Variants in SBK1 observed in about 807,000 individuals in gnomAD.
SBK1 encodes serine/threonine-protein kinase SBK1.
SBK1 carries 11 observed loss-of-function variants against 24.4 expected under a neutral mutation model. That is an observed-to-expected ratio of 0.45 (90% CI 0.28 to 0.75). SBK1 has a LOEUF of 0.75. Among genes scored for constraint, SBK1 ranks in the 30% least tolerant of loss-of-function variants. The probability of loss-of-function intolerance (pLI) is 0.12; values close to 1 mark genes in which losing one functional copy is unlikely to be tolerated. For missense variants in SBK1, 467 were observed against 620.5 expected (o/e 0.75, Z 2.63); for synonymous variants, 308 against 284.4 (o/e 1.08, Z -0.83).
chr16:28,284,760 A>G (rs2141570241), intron 1 of SBK1: 1 of 152,314 alleles, frequency 6.6e-6, no homozygotes, highest in Admixed American at 6.5e-5. Context: ...TCACATAGTG[A>G]AAAACTTCTT....
At chr16:28,281,708 C>T (rs542402990) in intron 1 of SBK1, among the ~76,000 whole-genome samples, 52 of 152,250 alleles carry the variant, frequency 3.4e-4, no homozygotes, top group Non-Finnish European at 3.4e-4. Context: ...GGGGTGGTAG[C>T]GAGGTTTAAA....
At chr16:28,297,862 C>T (rs559096729) in intron 1 of SBK1, among the ~76,000 whole-genome samples, 52 of 152,310 alleles carry the variant, frequency 3.4e-4, no homozygotes, top group African/African-American at 1.2e-3. Flanking sequence ...CCCTGGGAGG[C>T]AGGATAGCAT....
intron 1 of SBK1, among the ~76,000 whole-genome samples, chr16:28,295,907 G>A (rs950173662): frequency 1.2e-4 from 18 of 150,910 alleles, no homozygotes; most frequent in Non-Finnish European, 2.1e-4. Flanking sequence ...TGGGTTTGCA[G>A]GCCCAGAAAA....
chr16:28,278,775 C>A (rs973521113), intron 1 of SBK1, among the ~76,000 whole-genome samples: 1 of 152,214 alleles, frequency 6.6e-6, no homozygotes, highest in African/African-American at 2.4e-5. Flanking sequence ...GCCAACTACT[C>A]ACCCCGACAA....
upstream of SBK1, chr16:28,291,997 G>T (rs1380848484): frequency 6.6e-6 from 1 of 152,108 alleles, no homozygotes; most frequent in African/African-American, 2.4e-5. Context: ...ATGGACGGAC[G>T]GATGGATGGA....
chr16:28,299,609 G>A (rs940344317), intron 1 of SBK1, among the ~76,000 whole-genome samples: 2 of 152,056 alleles, frequency 1.3e-5, no homozygotes, highest in African/African-American at 4.8e-5. Context: ...AGGCCTCCCC[G>A]AGAAACCTCT....
chr16:28,268,637 C>A (rs1318689434), intron 1 of SBK1, among the ~76,000 whole-genome samples: 2 of 152,004 alleles, frequency 1.3e-5, no homozygotes, highest in Non-Finnish European at 2.9e-5. Flanking sequence ...GTGGCACGTG[C>A]CTGTAGTCCC....
intron 1 of SBK1, among the ~76,000 whole-genome samples, chr16:28,316,896 C>G (rs1170087619): frequency 1.3e-5 from 2 of 151,954 alleles, no homozygotes; most frequent in African/African-American, 4.8e-5. Context: ...AAAATAACAA[C>G]AAGCCGGGTG....
At position 28,319,895 on chromosome 16, in the gene SBK1, G is replaced by T. The variant is rs1461303472; in HGVS notation, c.430-181G>T. 1.3e-5 allele frequency among the ~76,000 whole-genome samples: 2 copies of T among 152,158 alleles called. No homozygotes were observed. Among genetic ancestry groups the T allele is most frequent in the African/African-American group, 4.8e-5 (2 of 41,436 alleles). On this transcript the variant is annotated intron_variant, in intron 3 of 3. Coordinates refer to ENST00000341901, the MANE Select transcript of SBK1 (RefSeq NM_001024401.3). The surrounding 1 kb of genome is among the most constrained non-coding windows in gnomAD (Gnocchi z 4.0). Reference sequence around the variant, plus strand: ...GGCATGGTAGCCACTATGAGGATTGGATGAGACAGCGGGGGAAAGGGCGCT... The same window carrying T: ...GGCATGGTAGCCACTATGAGGATTGTATGAGACAGCGGGGGAAAGGGCGCT...
chr16:28,309,761 C>G (rs2044741364), intron 1 of SBK1, among the ~76,000 whole-genome samples: 1 of 151,976 alleles, frequency 6.6e-6, no homozygotes, highest in African/African-American at 2.4e-5. Flanking sequence ...AGGAAGCACC[C>G]CCCCTTCTCA....
In SBK1 at chr16:28,320,370, CTCA is replaced by C. The variant is rs1385714797; in HGVS notation, c.727_729del (p.Ile243del). 6.3e-7 allele frequency: 1 copy of C among 1,592,968 alleles called. No individual in the cohort carries two copies. The highest frequency in any genetic ancestry group is 8.5e-7 in the Non-Finnish European group (1 of 1,176,138). On this transcript the variant is annotated inframe_deletion, in exon 4 of 4. Coordinates refer to ENST00000341901, the MANE Select transcript of SBK1 (RefSeq NM_001024401.3). This position sits in a 1 kb window ranked among gnomAD's most constrained non-coding sequence, Gnocchi z 8.5. Reference sequence around the variant, plus strand: ...CGTGGACGTGTGGGCCTTCGGCGTGCTCATCTTCTGCGTGCTCACCGGCAACTT... The same window carrying C: ...CGTGGACGTGTGGGCCTTCGGCGTGCTCTTCTGCGTGCTCACCGGCAACTT...
rs953731639 is a variant in SBK1 at position 28,317,159 on chromosome 16, C to T, written c.-7-226C>T. On this transcript the variant is annotated intron_variant, in intron 1 of 3. Transcript: ENST00000341901. This position sits in a 1 kb window ranked among gnomAD's most constrained non-coding sequence, Gnocchi z 4.2. ...AGGCAGAGGGGCTGGTGCCACCAAG[C>T]GCAGGGTCTGGCAGTGACTGGTCTT... Among the ~76,000 whole-genome samples the T allele has an allele frequency of 6.6e-5, 10 of 152,212 alleles. No individual in the cohort carries two copies. The highest frequency in any genetic ancestry group is 2.4e-4 in the African/African-American group (10 of 41,456).
intron 1 of SBK1, among the ~76,000 whole-genome samples, chr16:28,261,871 C>T (rs1567668075): frequency 6.6e-6 from 1 of 152,176 alleles, no homozygotes. Context: ...CTCATCCCTT[C>T]ATCTCCCACC....
At chr16:28,293,695 G>C (rs752249049) in intron 1 of SBK1, among the ~76,000 whole-genome samples, 1 of 152,092 alleles carries the variant, frequency 6.6e-6, no homozygotes, top group Admixed American at 6.5e-5. Flanking sequence ...CCCCCCGAGA[G>C]GGGAAAATTT....
chr16:28,311,199 CTTGGTT>C lies in SBK1; in HGVS notation c.-7-6184_-7-6179del, dbSNP rs546304133. 1.2e-3 allele frequency among the ~76,000 whole-genome samples: 176 copies of C among 152,224 alleles called. No homozygotes were observed. In the Middle Eastern group the frequency reaches 0.014, roughly 12 times the overall value. The stretch of plus-strand genomic sequence containing the variant: ...ATCCAGCCCCTGCCCCTGGGGAGCT[CTTGGTT>C]TGTTGATGGGCAGACAGGGACACAG... On this transcript the variant is annotated intron_variant, in intron 1 of 3. Transcript: ENST00000341901.
In SBK1 at chr16:28,293,011, A is replaced by T. The variant is rs1319474949; in HGVS notation, c.-297A>T. The stretch of plus-strand genomic sequence containing the variant: ...CATTACAACTCCACACCTCAAGACA[A>T]GAAGACCCAGCTCAGAACGCCCCTA... On this transcript the variant is annotated 5_prime_UTR_variant, in exon 1 of 4. The change creates a new upstream start codon in the 5' untranslated region. Coordinates refer to ENST00000341901, the MANE Select transcript of SBK1 (RefSeq NM_001024401.3). The T allele has an allele frequency of 1.0e-6, 1 of 985,396 alleles. No homozygotes were observed. The highest frequency in any genetic ancestry group is 1.2e-6 in the Non-Finnish European group (1 of 830,008). 61.0% of individuals were successfully genotyped at this position (985,396 alleles called of 1,614,324 possible).
At chr16:28,281,446 C>T (rs1179450812) in intron 1 of SBK1, among the ~76,000 whole-genome samples, 1 of 152,156 alleles carries the variant, frequency 6.6e-6, no homozygotes, top group South Asian at 2.1e-4. Context: ...GTGCCCCTCC[C>T]AGGCAGCAAC....
rs2044803930 is a variant in SBK1, at chr16:28,317,256, T to C, written c.-7-129T>C. 13 of 680,390 alleles carry C rather than the reference T, an allele frequency of 1.9e-5. No individual in the cohort carries two copies. Among genetic ancestry groups the C allele is most frequent in the Non-Finnish European group, 3.0e-5 (12 of 397,074 alleles). The allele number at this position is 680,390 out of a possible 1,614,324, so 42.1% of individuals were successfully genotyped here. A position where few individuals can be genotyped will look rare whatever the true frequency, so the allele number is the denominator to read the frequency against. ...CGCGACCAAGATGCTTGTCGCCCCC[T>C]TGTGGTTATCTTGGGCCTGGCATCC... On this transcript the variant is annotated intron_variant, in intron 1 of 3. Transcript: ENST00000341901. The surrounding 1 kb of genome is among the most constrained non-coding windows in gnomAD (Gnocchi z 4.2).
rs1163644224 is a variant in SBK1, at chr16:28,259,360, A to C, written c.115A>C (p.Thr39Pro). ...GGCTGGCGATGATGCTGCGGAGGCC[A>C]CCCCTGGCCACCCCTGCCCTGTCCT... Residue 39 changes from threonine (T) to proline (P), a missense_variant, in exon 1 of 4, where the codon ACC (threonine) becomes CCC (proline). Thr to Pro is a conservative substitution (Grantham distance 38). Transcript: ENST00000671413. The surrounding 1 kb of genome is among the most constrained non-coding windows in gnomAD (Gnocchi z 6.0). The C allele has an allele frequency of 1.4e-6, 1 of 715,832 alleles. No homozygotes were observed. The highest frequency in any genetic ancestry group is 1.7e-6 in the Non-Finnish European group (1 of 583,986). The allele number at this position is 715,832 out of a possible 1,614,324, so 44.3% of individuals were successfully genotyped here. A position where few individuals can be genotyped will look rare whatever the true frequency, so the allele number is the denominator to read the frequency against.
Sources: gnomAD v4.1 joint callset for allele counts (sites outside exome capture counted in the v4.1 genomes callset) on GRCh38, gnomAD v4.1.1 for gene constraint, Gnocchi (gnomAD v3.1) non-coding constraint, MANE v1.5 for transcripts, NCBI Gene and HGNC (gene_info 2026-07-23, HGNC 2026-07-21) for gene names.